Variants in RASSF8 observed in about 807,000 individuals in gnomAD.
RASSF8 encodes the protein Ras association domain family member 8, also known as ras association domain-containing protein 8.
In RASSF8, 22 loss-of-function variants were observed where a neutral mutation model predicts 48.5. The ratio of observed to expected loss-of-function variants is 0.45; its 90% CI spans 0.32 to 0.65. The LOEUF (loss-of-function observed/expected upper bound fraction) is 0.65. Ranked by LOEUF, RASSF8 falls within the 30% of genes least tolerant of loss-of-function variation. RASSF8 has a pLI of 0.03. For synonymous variants in RASSF8, 127 were observed against 171.5 expected (o/e 0.74, Z 2.03); for missense variants, 418 against 489.2 (o/e 0.85, Z 1.37).
At chr12:26,051,086 T>C (rs1201558068) in intron 2 of RASSF8, among the ~76,000 whole-genome samples, 2 of 152,184 alleles carry the variant, frequency 1.3e-5, no homozygotes, top group Non-Finnish European at 2.9e-5. Flanking sequence ...AAATTTCAAA[T>C]ATGTGTCCCA....
At chr12:25,967,098 G>T (rs1041895147) in intron 1 of RASSF8, among the ~76,000 whole-genome samples, 1 of 152,270 alleles carries the variant, frequency 6.6e-6, no homozygotes, top group East Asian at 1.9e-4. Flanking sequence ...TGTATCAGTT[G>T]ATATACACAT....
intron 2 of RASSF8, among the ~76,000 whole-genome samples, chr12:26,005,164 G>GCT (rs113579361): frequency 1.3e-5 from 2 of 149,894 alleles, no homozygotes; most frequent in African/African-American, 4.9e-5. Context: ...TTACGGATGG[G>GCT]GTGTGTGTGT....
At chr12:26,020,385 T>C (rs1942759424) in intron 2 of RASSF8, 1 of 152,228 alleles carries the variant, frequency 6.6e-6, no homozygotes, top group African/African-American at 2.4e-5. Context: ...TTGTTGTTTT[T>C]ATGCTCCCCC....
At chr12:25,983,859 C>T (rs1272982054) in intron 1 of RASSF8, among the ~76,000 whole-genome samples, 1 of 152,180 alleles carries the variant, frequency 6.6e-6, no homozygotes, top group East Asian at 1.9e-4. Flanking sequence ...TGCCCATAAA[C>T]AGCGAGCCTC....
At chr12:25,985,238 G>A (rs1053694662) in intron 1 of RASSF8, among the ~76,000 whole-genome samples, 3 of 152,182 alleles carry the variant, frequency 2.0e-5, no homozygotes, top group Non-Finnish European at 4.4e-5. Flanking sequence ...TTGTGTGTGT[G>A]TGGGAGGGAG....
rs1248692686 is a variant in RASSF8 at position 26,064,916 on chromosome 12, A to G, written c.522A>G (p.Thr174=). ...TGAAGAAGCTAATCCGTCTGCAGACAGAGAAGCTTCAATCCATTGAGAAAC... is the reference window on the plus strand; with the variant it reads ...TGAAGAAGCTAATCCGTCTGCAGACGGAGAAGCTTCAATCCATTGAGAAAC... The part of the protein sequence containing the change: ...DELKKLIRLQ[T]EKLQSIEKQL... Residue 174 remains threonine (T), a synonymous_variant, in exon 4 of 6, where the codon ACA becomes ACG. Transcript: ENST00000689635. The G allele has an allele frequency of 6.2e-7, 1 of 1,614,226 alleles. No individual in the cohort carries two copies. Among genetic ancestry groups the G allele is most frequent in the African/African-American group, 1.3e-5 (1 of 75,074 alleles).
At chr12:26,007,238 C>A (rs1942413693) in intron 2 of RASSF8, among the ~76,000 whole-genome samples, 1 of 152,128 alleles carries the variant, frequency 6.6e-6, no homozygotes, top group South Asian at 2.1e-4. Context: ...CCACTAGGCC[C>A]CACGTCCCCA....
intron 2 of RASSF8, among the ~76,000 whole-genome samples, chr12:25,999,339 T>C (rs1592249299): frequency 6.6e-6 from 1 of 152,210 alleles, no homozygotes; most frequent in East Asian, 1.9e-4. Context: ...ATGGGAAGTA[T>C]CTATAATTTT....
intron 1 of RASSF8, among the ~76,000 whole-genome samples, chr12:25,965,571 A>T (rs1323795625): frequency 6.6e-6 from 1 of 151,496 alleles, no homozygotes; most frequent in African/African-American, 2.4e-5. Flanking sequence ...CATGTTGGCC[A>T]GGCTTATCTC....
intron 2 of RASSF8, among the ~76,000 whole-genome samples, chr12:25,999,340 C>G (rs1942203440): frequency 6.6e-6 from 1 of 152,134 alleles, no homozygotes; most frequent in African/African-American, 2.4e-5. Context: ...TGGGAAGTAT[C>G]TATAATTTTG....
intron 2 of RASSF8, among the ~76,000 whole-genome samples, chr12:26,019,403 G>A (rs188829147): frequency 6.6e-6 from 1 of 152,028 alleles, no homozygotes; most frequent in South Asian, 2.1e-4. Flanking sequence ...CCATCTGCAC[G>A]CATGAAATTA....
chr12:26,046,603 G>A (rs949419430), intron 2 of RASSF8, among the ~76,000 whole-genome samples: 3 of 151,778 alleles, frequency 2.0e-5, no homozygotes, highest in African/African-American at 4.8e-5. Flanking sequence ...TTGGGAGATC[G>A]AGGTAGGAGA....
At chr12:26,052,556 A>G (rs552530411) in intron 2 of RASSF8, 2 of 152,300 alleles carry the variant, frequency 1.3e-5, no homozygotes, top group South Asian at 4.1e-4. Context: ...TTTGCTTCCT[A>G]GGTCTTTAGT....
chr12:25,973,422 T>C (rs1213159508), intron 1 of RASSF8, among the ~76,000 whole-genome samples: 2 of 152,168 alleles, frequency 1.3e-5, no homozygotes, highest in Non-Finnish European at 2.9e-5. Flanking sequence ...GGACACATCA[T>C]TTAATCCCTT....
chr12:26,003,524 A>G (rs1400429225), intron 2 of RASSF8, among the ~76,000 whole-genome samples: 2 of 152,184 alleles, frequency 1.3e-5, no homozygotes, highest in African/African-American at 2.4e-5. Context: ...CTGCTTATCT[A>G]TAGATTTTTT....
intron 2 of RASSF8, among the ~76,000 whole-genome samples, chr12:26,004,005 T>C (rs1380346074): frequency 6.6e-6 from 1 of 152,006 alleles, no homozygotes; most frequent in Non-Finnish European, 1.5e-5. Context: ...GGTGAAACCC[T>C]ATCTCTACAA....
chr12:25,981,785 C>T (rs1006429209), intron 1 of RASSF8, among the ~76,000 whole-genome samples: 2 of 152,200 alleles, frequency 1.3e-5, no homozygotes, highest in African/African-American at 4.8e-5. Context: ...CTGTTGCTGT[C>T]AGGGCTTTAA....
chr12:25,961,016 T>C (rs1036873732), intron 1 of RASSF8, among the ~76,000 whole-genome samples: 4 of 152,248 alleles, frequency 2.6e-5, no homozygotes, highest in Admixed American at 2.6e-4. Context: ...TTTTGCCTTT[T>C]ATTTATTTTT....
chr12:25,994,763 A>G (rs1348428661), intron 1 of RASSF8, among the ~76,000 whole-genome samples: 2 of 152,228 alleles, frequency 1.3e-5, no homozygotes, highest in Admixed American at 1.3e-4. Flanking sequence ...CCATAGGCCA[A>G]TCAAATGACC....
Sources: gnomAD v4.1 joint callset for allele counts (sites outside exome capture counted in the v4.1 genomes callset) on GRCh38, gnomAD v4.1.1 for gene constraint, MANE v1.5 for transcripts, NCBI Gene and HGNC (gene_info 2026-07-23, HGNC 2026-07-21) for gene names.